The following PRDM16 variants were observed in gnomAD, a reference collection of about 807,000 sequenced individuals.
The protein encoded by PRDM16 is histone-lysine N-methyltransferase PRDM16.
In PRDM16, 23 loss-of-function variants were observed where a neutral mutation model predicts 110.6. That is an observed-to-expected ratio of 0.21 (90% CI 0.15 to 0.29). The LOEUF is 0.29. PRDM16 is among the 10% of genes least tolerant of loss of function. The pLI is 1.00. For synonymous variants in PRDM16, 799 were observed against 781.8 expected, an observed-to-expected ratio of 1.02 and a Z score of -0.37; for missense variants, 1,615 against 1,794.3, an observed-to-expected ratio of 0.90 and a Z score of 1.81.
chr1:3,415,680 G>A (rs1638228117), intron 10 of PRDM16, among the ~76,000 whole-genome samples: 1 of 152,228 alleles, frequency 6.6e-6, no homozygotes, highest in South Asian at 2.1e-4. Context: ...GCCCACCCAG[G>A]CCCGAGGAAG....
In PRDM16 at chr1:3,412,460, C is replaced by G; in HGVS notation, c.2263C>G (p.Pro755Ala). The part of the protein sequence containing the change: ...LAHNLLVKAE[P>A]KSPRDALKVG... ...CCACAACTTGCTGGTCAAGGCCGAGCCAAAGTCACCCCGGGACGCCCTCAA... is the reference window on the plus strand; with the variant it reads ...CCACAACTTGCTGGTCAAGGCCGAGGCAAAGTCACCCCGGGACGCCCTCAA... The change falls in exon 9 of 17, where the codon CCA becomes GCA. Residue 755 changes from proline (P) to alanine (A), a missense_variant. This residue lies in a region of PRDM16 where 772 missense variants were observed against 748.3 expected (regional missense o/e 1.03). Coordinates refer to ENST00000270722, the MANE Select transcript of PRDM16 (RefSeq NM_022114.4). The G allele has an allele frequency of 6.2e-7, 1 of 1,613,270 alleles. No individual in the cohort carries two copies.
At chr1:3,071,714 C>A (rs943048331) in intron 1 of PRDM16, among the ~76,000 whole-genome samples, 8 of 152,092 alleles carry the variant, frequency 5.3e-5, no homozygotes, top group Non-Finnish European at 8.8e-5. Context: ...CCCCTCCCCA[C>A]AATGCTGACC....
chr1:3,122,509 G>A (rs1411197790), intron 1 of PRDM16, among the ~76,000 whole-genome samples: 1 of 152,208 alleles, frequency 6.6e-6, no homozygotes. Flanking sequence ...CTCCCCTGGG[G>A]CCCACCTGGG....
At chr1:3,328,837 C>T (rs375758273) in intron 3 of PRDM16, among the ~76,000 whole-genome samples, 14 of 152,250 alleles carry the variant, frequency 9.2e-5, no homozygotes, top group African/African-American at 3.4e-4. Flanking sequence ...GCCTCCATTT[C>T]CTACGTAAAA....
rs781404442 is a variant in PRDM16 at position 3,069,346 on chromosome 1, G to T, written c.37+50G>T. 8 of 960,098 alleles carry T rather than the reference G, an allele frequency of 8.3e-6. No individual in the cohort carries two copies. The highest frequency in any genetic ancestry group is 1.0e-5 in the Non-Finnish European group (8 of 797,866). 59.5% of individuals were successfully genotyped at this position (960,098 alleles called of 1,614,324 possible). A position where few individuals can be genotyped will look rare whatever the true frequency, so the allele number is the denominator to read the frequency against. ...CCGCGCCGCCGGGGCCCGGGCCGCC[G>T]GGCCGGGGCGCCCGGGCCAGGGGTG... is the stretch of plus-strand genomic sequence containing the variant. On this transcript the variant is annotated intron_variant, in intron 1 of 16. Transcript: ENST00000270722. The surrounding 1 kb of genome is among the most constrained non-coding windows in gnomAD (Gnocchi z 6.1).
chr1:3,196,076 G>C (rs1022986658), intron 2 of PRDM16, among the ~76,000 whole-genome samples: 3 of 152,224 alleles, frequency 2.0e-5, no homozygotes, highest in Non-Finnish European at 4.4e-5. Context: ...CCAGAGGCAG[G>C]TGTGGGTCCC....
chr1:3,137,251 T>C (rs1406405780), intron 1 of PRDM16, among the ~76,000 whole-genome samples: 1 of 152,116 alleles, frequency 6.6e-6, no homozygotes, highest in Non-Finnish European at 1.5e-5. Context: ...GCTGAGCTCT[T>C]CTCCCCACGC....
rs546652161 is a variant in PRDM16, at chr1:3,434,043, G to A, written c.*232G>A. ...ATTGGTCTTGAGAACACTGTTCAGT[G>A]ACGGCCATGCAGGTGGCCGTCCAAA... On this transcript the variant is annotated 3_prime_UTR_variant, in exon 17 of 17. Transcript: ENST00000270722. 4 of 499,722 alleles carry A rather than the reference G, an allele frequency of 8.0e-6. No homozygotes were observed. In the East Asian group the frequency reaches 1.4e-4, roughly 17 times the overall value. 31.0% of individuals were successfully genotyped at this position (499,722 alleles called of 1,614,324 possible). A position where few individuals can be genotyped will look rare whatever the true frequency, so the allele number is the denominator to read the frequency against.
At position 3,438,302 on chromosome 1, in the gene PRDM16, G is replaced by A. The variant is rs756875902; in HGVS notation, c.*4491G>A. ...TATTGAATATGTGATTAGGATCTACGTCTGAGACTAGGAGTCCTGAACTGC... is the reference window on the plus strand; with the variant it reads ...TATTGAATATGTGATTAGGATCTACATCTGAGACTAGGAGTCCTGAACTGC... On this transcript the variant is annotated 3_prime_UTR_variant, in exon 17 of 17. Transcript: ENST00000270722. 3.5e-5 allele frequency: 7 copies of A among 200,640 alleles called. No individual in the cohort carries two copies. The highest frequency in any genetic ancestry group is 9.2e-5 in the African/African-American group (4 of 43,536). The allele number at this position is 200,640 out of a possible 1,614,324, so 12.4% of individuals were successfully genotyped here.
chr1:3,240,818 A>G (rs1200291714), intron 2 of PRDM16, among the ~76,000 whole-genome samples: 1 of 152,262 alleles, frequency 6.6e-6, no homozygotes, highest in Non-Finnish European at 1.5e-5. Context: ...AGAGTCAAAA[A>G]AGAGGTTCTG....
chr1:3,234,201 T>C (rs1482941121), intron 2 of PRDM16, among the ~76,000 whole-genome samples: 1 of 152,196 alleles, frequency 6.6e-6, no homozygotes, highest in African/African-American at 2.4e-5. Context: ...CCCCCTGTTC[T>C]GGGGGCCTTC....
intron 8 of PRDM16, among the ~76,000 whole-genome samples, chr1:3,409,834 G>GGTGTGTGGTGTGTGTATGTGC (rs150742635): frequency 4.0e-5 from 5 of 125,930 alleles, no homozygotes; most frequent in African/African-American, 1.6e-4. Flanking sequence ...GTTGTGTGTG[G>GGTGTGTGGTGTGTGTATGTGC]GTGTGTGGTG....
chr1:3,346,295 G>A (rs1005463938), intron 3 of PRDM16, among the ~76,000 whole-genome samples: 4 of 152,320 alleles, frequency 2.6e-5, no homozygotes, highest in Admixed American at 2.0e-4. Context: ...TTTGTGCGTC[G>A]AGTTCTGTGT....
At chr1:3,318,102 C>A (rs746348349) in intron 3 of PRDM16, among the ~76,000 whole-genome samples, 1 of 152,086 alleles carries the variant, frequency 6.6e-6, no homozygotes, top group Non-Finnish European at 1.5e-5. Context: ...AGTCATGAGC[C>A]GGAGTTGATT....
chr1:3,430,948 G>A lies in PRDM16; in HGVS notation c.3361G>A (p.Glu1121Lys), dbSNP rs780561119. The change falls in exon 15 of 17, where the codon GAG becomes AAG. Residue 1121 changes from glutamate (E) to lysine (K), a missense_variant. Glu to Lys is a moderately conservative substitution (Grantham distance 56). Around this residue, in one of 5 missense-constraint regions of PRDM16, gnomAD observed 327 missense variants for 359.3 expected, o/e 0.91. Transcript: ENST00000270722. ...TGAGAAGCAGGAGGACGTGGAGGAG[G>A]AGGACGACGATGACCTGGAGGAGGA... ...ASEKQEDVEE[E>K]DDDDLEEDDE... The A allele has an allele frequency of 2.5e-6, 4 of 1,613,788 alleles. No homozygotes were observed. In the Admixed American group the frequency reaches 6.7e-5, roughly 27 times the overall value.
intron 2 of PRDM16, 198 bp downstream of exon 2, chr1:3,186,672 G>T: frequency 1.9e-6 from 1 of 525,886 alleles, no homozygotes; most frequent in East Asian, 3.2e-5. Flanking sequence ...CCTCGTGGGT[G>T]CCTGTCAGCC....
At position 3,430,938 on chromosome 1, in the gene PRDM16, C is replaced by T. The variant is rs936932210; in HGVS notation, c.3351C>T (p.Asp1117=). 27 of 1,613,918 alleles carry T rather than the reference C, an allele frequency of 1.7e-5. No homozygotes were observed. The highest frequency in any genetic ancestry group is 3.3e-4 in the Middle Eastern group (2 of 6,082). The change falls in exon 15 of 17, where the codon GAC becomes GAT. Residue 1117 remains aspartate (D), a synonymous_variant. Transcript: ENST00000270722. ...GCCTAGCCAGTGAGAAGCAGGAGGA[C>T]GTGGAGGAGGAGGACGACGATGACC... The part of the protein sequence containing the change: ...CPGLASEKQE[D]VEEEDDDDLE...
intron 3 of PRDM16, among the ~76,000 whole-genome samples, chr1:3,356,751 C>T (rs752883365): frequency 9.9e-5 from 15 of 152,146 alleles, no homozygotes; most frequent in East Asian, 1.9e-4. Context: ...TCGAGCAGCT[C>T]GGGAAGGTGG....
chr1:3,124,075 C>T (rs1311113059), intron 1 of PRDM16, among the ~76,000 whole-genome samples: 2 of 152,154 alleles, frequency 1.3e-5, no homozygotes, highest in Non-Finnish European at 2.9e-5. Context: ...TTAGATGTGC[C>T]CCCACCCGTG....
Sources: gnomAD v4.1 joint callset for allele counts (sites outside exome capture counted in the v4.1 genomes callset) on GRCh38, gnomAD v4.1.1 for gene constraint, gnomAD v4.1.1 regional missense constraint, Gnocchi (gnomAD v3.1) non-coding constraint, MANE v1.5 for transcripts, NCBI Gene and HGNC (gene_info 2026-07-23, HGNC 2026-07-21) for gene names.